AK6: variants seen among roughly 807,000 people sequenced by gnomAD.
AK6 encodes adenylate kinase isoenzyme 6.
Under a neutral mutation model 23.7 loss-of-function variants are expected in AK6, and 24 were observed. That is an observed-to-expected ratio of 1.01 (90% CI 0.73 to 1.43). The LOEUF (loss-of-function observed/expected upper bound fraction) is 1.43, where lower values mean the gene tolerates loss of function less well. AK6 is among the 40% of genes most tolerant of loss of function. The pLI is 0.00. For synonymous variants in AK6, 73 were observed against 69.8 expected (o/e 1.05, Z -0.23); for missense variants, 191 against 199.1 (o/e 0.96, Z 0.24).
At chr5:69,366,780 C>CA (rs1762447089) in intron 1 of AK6, 185 bp from the exon 2 acceptor site, 1 of 579,214 alleles carries the variant, frequency 1.7e-6, no homozygotes, top group Non-Finnish European at 3.1e-6. Flanking sequence ...TTTTTTGAGA[C>CA]AGAGTTTCAC....
chr5:69,355,629 T>A lies in AK6; in HGVS notation c.326+20A>T. 2 of 1,574,902 alleles carry A rather than the reference T, an allele frequency of 1.3e-6. No homozygotes were observed. The highest frequency in any genetic ancestry group is 8.6e-7 in the Non-Finnish European group (1 of 1,163,346). On this transcript the variant is annotated intron_variant, in intron 4 of 4. Transcript: ENST00000380822. ...AAGTTAACATTATGCTTTAAGAATC[T>A]AATGTTTTTCCTTTCTTACCTTGTT...
At chr5:69,369,043 G>C (rs1459788816) in intron 1 of AK6, 3 of 229,164 alleles carry the variant, frequency 1.3e-5, no homozygotes, top group Non-Finnish European at 2.5e-5. Context: ...GGAGGCCTAA[G>C]GAGTGAGGCA....
chr5:69,361,473 C>G (rs1762235078), intron 2 of AK6, among the ~76,000 whole-genome samples: 1 of 151,882 alleles, frequency 6.6e-6, no homozygotes, highest in Non-Finnish European at 1.5e-5. Flanking sequence ...GAATCTCTCT[C>G]TGTCACCCAG....
intron 2 of AK6, among the ~76,000 whole-genome samples, chr5:69,358,624 G>C (rs186253892): frequency 6.6e-6 from 1 of 150,900 alleles, no homozygotes; most frequent in East Asian, 1.9e-4. Context: ...TTTTTGAGAC[G>C]GAGTCCCAGA....
intron 4 of AK6, among the ~76,000 whole-genome samples, chr5:69,352,482 C>G (rs537026951): frequency 2.0e-5 from 3 of 152,048 alleles, no homozygotes; most frequent in East Asian, 1.9e-4. Flanking sequence ...ATTTCCCCCC[C>G]CCACAATTTG....
intron 1 of AK6, chr5:69,366,861 C>T (rs1762452461): frequency 1.3e-5 from 5 of 388,802 alleles, no homozygotes; most frequent in South Asian, 6.1e-5. Context: ...CAGGTTCAAG[C>T]GATTCTCCTG....
chr5:69,361,149 C>T (rs1243200790), intron 2 of AK6, among the ~76,000 whole-genome samples: 1 of 152,138 alleles, frequency 6.6e-6, no homozygotes, highest in Non-Finnish European at 1.5e-5. Context: ...TACAGTCATA[C>T]CACAGTAAGA....
intron 1 of AK6, among the ~76,000 whole-genome samples, chr5:69,368,591 A>T (rs1366778506): frequency 6.6e-6 from 1 of 151,660 alleles, no homozygotes; most frequent in Non-Finnish European, 1.5e-5. Flanking sequence ...CACCTCTCAG[A>T]AACAGACATG....
intron 2 of AK6, among the ~76,000 whole-genome samples, chr5:69,359,711 C>T (rs972210111): frequency 1.3e-5 from 2 of 152,204 alleles, no homozygotes; most frequent in African/African-American, 4.8e-5. Context: ...TGTTTTGACA[C>T]TGCTGCCAAT....
chr5:69,357,716 G>A (rs2150731925), intron 2 of AK6, among the ~76,000 whole-genome samples: 1 of 152,172 alleles, frequency 6.6e-6, no homozygotes, highest in South Asian at 2.1e-4. Context: ...AAATTAAAAT[G>A]AGTCTATATT....
intron 1 of AK6, chr5:69,369,231 C>G (rs1057503631): frequency 4.0e-5 from 4 of 99,358 alleles, no homozygotes; most frequent in South Asian, 2.8e-4. Flanking sequence ...TCTCCACCCC[C>G]CCCCGCCCCC....
At chr5:69,366,811 T>A (rs1386605981) in intron 1 of AK6, 3 of 525,956 alleles carry the variant, frequency 5.7e-6, no homozygotes, top group Admixed American at 3.1e-5. Context: ...CAGGCTGGAG[T>A]GCAGTGGCAC....
At chr5:69,367,147 G>T (rs944819198) in intron 1 of AK6, among the ~76,000 whole-genome samples, 1 of 152,118 alleles carries the variant, frequency 6.6e-6, no homozygotes, top group Non-Finnish European at 1.5e-5. Flanking sequence ...TGATTCTCCA[G>T]GGGTGGGGCT....
chr5:69,352,207 A>G lies in AK6; in HGVS notation c.373T>C (p.Phe125Leu). 1 of 1,613,934 alleles carries G rather than the reference A, an allele frequency of 6.2e-7. No individual in the cohort carries two copies. Among genetic ancestry groups the G allele is most frequent in the Non-Finnish European group, 8.5e-7 (1 of 1,179,894 alleles). The change falls in exon 5 of 5, where the codon TTT becomes CTT. Residue 125 changes from phenylalanine to leucine, a missense_variant. By Grantham distance (22) the Phe-to-Leu change is conservative (BLOSUM62 0). Transcript: ENST00000380822. ...GTGGCTTCTTCATAAAGAACTTGAA[A>G]AATCTCACACTGAATATTGTCTGTT... is the stretch of plus-strand genomic sequence containing the variant. ...KLTDNIQCEI[F>L]QVLYEEATAS... is the part of the protein sequence containing the mutation.
intron 4 of AK6, 179 bp downstream of exon 4, chr5:69,355,470 G>T (rs892979798): frequency 8.7e-6 from 5 of 577,096 alleles, no homozygotes; most frequent in Non-Finnish European, 1.4e-5. Context: ...GGTGGAGGTT[G>T]CAGTGGACCG....
rs547551166 is a variant in AK6 at position 69,360,242 on chromosome 5, T to G, written c.122-4289A>C. On this transcript the variant is annotated intron_variant, in intron 2 of 4. Transcript: ENST00000380822. ...GATACTGAAGAAGTCAAACAGGAGA[T>G]TCTAGGTAGGATTCTAGGCACAGCA... Among the ~76,000 whole-genome samples the G allele has an allele frequency of 2.0e-5, 3 of 152,242 alleles. No individual in the cohort carries two copies. The East Asian group carries it at 5.8e-4, about 29-fold the overall frequency.
At chr5:69,365,447 C>T in intron 2 of AK6, 2 of 1,614,088 alleles carry the variant, frequency 1.2e-6, no homozygotes, top group Non-Finnish European at 1.7e-6. Context: ...GATTTCTTTG[C>T]CTTGCAATAT....
In AK6 at chr5:69,363,733, G is replaced by A. The variant is rs190806797; in HGVS notation, c.121+2770C>T. On this transcript the variant is annotated intron_variant, in intron 2 of 4. Coordinates refer to ENST00000380822, the MANE Select transcript of AK6 (RefSeq NM_016283.5). ...TGGGAGGCAGAGCTTGCAGTGAGCC[G>A]AGATTACACCACTGCACTCCAGTCT... Among the ~76,000 whole-genome samples the A allele has an allele frequency of 1.0e-3, 155 of 151,612 alleles. 1 individual carries two copies. The highest frequency in any genetic ancestry group is 3.6e-3 in the African/African-American group (147 of 41,316).
rs1762767802 is a variant in AK6 at position 69,369,509 on chromosome 5, T to C, written c.-19A>G. The C allele has an allele frequency of 2.5e-6, 4 of 1,611,062 alleles. No homozygotes were observed. Among genetic ancestry groups the C allele is most frequent in the African/African-American group, 1.3e-5 (1 of 74,700 alleles). ...GCAACATGGTCCCCGCCGCGACGGC[T>C]TCGGGCGCCTCGCTCACGTGCCCTT... On this transcript the variant is annotated 5_prime_UTR_variant, in exon 1 of 5. Coordinates refer to ENST00000380822, the MANE Select transcript of AK6 (RefSeq NM_016283.5).
Sources: allele counts gnomAD v4.1 joint callset (sites outside exome capture counted in the v4.1 genomes callset), GRCh38; gene constraint gnomAD v4.1.1; transcripts MANE v1.5; gene names NCBI Gene and HGNC (gene_info 2026-07-23, HGNC 2026-07-21).